The following NCKAP5 variants were observed in gnomAD, a reference collection of about 807,000 sequenced individuals.
NCKAP5 encodes the protein NCK associated protein 5, also known as nck-associated protein 5.
NCKAP5 carries 92 observed loss-of-function variants against 167.0 expected under a neutral mutation model. The observed-to-expected ratio is 0.55, with a 90% CI of 0.47 to 0.66. The LOEUF is 0.66. NCKAP5 is among the 30% of genes least tolerant of loss of function. The pLI, the probability that NCKAP5 is intolerant of heterozygous loss-of-function variation, is 0.00. For missense variants in NCKAP5, 2,378 were observed against 2,315.0 expected (o/e 1.03, Z -0.56); for synonymous variants, 891 against 877.4 (o/e 1.02, Z -0.27).
intron 3 of NCKAP5, among the ~76,000 whole-genome samples, chr2:133,386,020 T>G (rs915711787): frequency 6.6e-6 from 1 of 152,230 alleles, no homozygotes; most frequent in African/African-American, 2.4e-5. Context: ...TTGATTTTTT[T>G]GAAGGGTTCT....
At chr2:133,441,590 A>G (rs1216214873) in intron 3 of NCKAP5, among the ~76,000 whole-genome samples, 1 of 152,246 alleles carries the variant, frequency 6.6e-6, no homozygotes, top group Non-Finnish European at 1.5e-5. Flanking sequence ...TTTCAAAATC[A>G]TTTAGAGATT....
At chr2:132,970,746 A>G (rs1394111606) in intron 7 of NCKAP5, among the ~76,000 whole-genome samples, 2 of 152,192 alleles carry the variant, frequency 1.3e-5, no homozygotes, top group South Asian at 2.1e-4. Context: ...AGCAGTCAAC[A>G]TCATCAGGCC....
chr2:133,259,852 T>C (rs2088816068), intron 4 of NCKAP5, among the ~76,000 whole-genome samples: 1 of 152,240 alleles, frequency 6.6e-6, no homozygotes, highest in East Asian at 1.9e-4. Flanking sequence ...CCAAATTTCC[T>C]TCCTTTCTAC....
intron 16 of NCKAP5, among the ~76,000 whole-genome samples, 198 bp downstream of exon 16, chr2:132,773,618 T>G (rs1031984977): frequency 6.6e-6 from 1 of 152,198 alleles, no homozygotes; most frequent in Non-Finnish European, 1.5e-5. Flanking sequence ...GAAATACCTG[T>G]TTTCCTCATA....
Position 133,528,029 on chromosome 2 carries a change from C to T in NCKAP5, c.-61-10442G>A, listed in dbSNP as rs745309736. Among the ~76,000 whole-genome samples the T allele has an allele frequency of 7.2e-5, 11 of 152,226 alleles. No homozygotes were observed. The Middle Eastern group carries it at 0.01, about 142-fold the overall frequency. ...ACAATGAGTTGTAATAATGCCAGTG[C>T]ACTCCAGCCTGGGTGACAGTAAGTC... On this transcript the variant is annotated intron_variant, in intron 2 of 19. Coordinates refer to ENST00000409261, the MANE Select transcript of NCKAP5 (RefSeq NM_207363.3).
At chr2:133,519,700 C>A (rs1356882082) in intron 2 of NCKAP5, among the ~76,000 whole-genome samples, 1 of 152,138 alleles carries the variant, frequency 6.6e-6, no homozygotes, top group African/African-American at 2.4e-5. Flanking sequence ...GTACAGAAGA[C>A]AGTAGGAATA....
intron 8 of NCKAP5, among the ~76,000 whole-genome samples, chr2:132,961,429 T>C (rs552172702): frequency 2.0e-5 from 3 of 152,154 alleles, no homozygotes; most frequent in African/African-American, 4.8e-5. Context: ...TAGAAGATAG[T>C]AAGATGTGAA....
chr2:132,784,826 G>C lies in NCKAP5; in HGVS notation c.1985C>G (p.Ser662Cys), dbSNP rs1683404440. 4 of 1,583,432 alleles carry C rather than the reference G, an allele frequency of 2.5e-6. No homozygotes were observed. The highest frequency in any genetic ancestry group is 1.8e-5 in the Admixed American group (1 of 56,430). Residue 662 changes from serine to cysteine, a missense_variant, in exon 14 of 20, where the codon TCT (serine) becomes TGT (cysteine). Ser to Cys is a moderately radical substitution (Grantham distance 112). Around this residue, in one of 3 missense-constraint regions of NCKAP5, gnomAD observed 1,049 missense variants for 1,023.4 expected, o/e 1.02. Transcript: ENST00000409261. ...TATCACAGTCACACATTCTTCTGAA[G>C]AAGTCCTTTTTACAACTCTTTGCTG... ...IKQQRVVKRT[S>C]SEECVTVIFD...
At chr2:133,327,217 T>C (rs1161618323) in intron 3 of NCKAP5, among the ~76,000 whole-genome samples, 1 of 152,202 alleles carries the variant, frequency 6.6e-6, no homozygotes, top group Admixed American at 6.5e-5. Flanking sequence ...TGCCTGCTCT[T>C]CTCCTGCCTG....
At chr2:132,714,978 T>A in intron 19 of NCKAP5, 1 of 431,812 alleles carries the variant, frequency 2.3e-6, no homozygotes. Context: ...ATTCGCTGAG[T>A]AATACTTGAC....
chr2:132,843,469 T>G (rs1261624878), intron 11 of NCKAP5, among the ~76,000 whole-genome samples: 2 of 152,108 alleles, frequency 1.3e-5, no homozygotes, highest in Non-Finnish European at 2.9e-5. Context: ...GTTTAAGGCT[T>G]CTAAACTTAA....
chr2:132,757,266 C>T (rs962756632), intron 16 of NCKAP5, among the ~76,000 whole-genome samples: 2 of 152,172 alleles, frequency 1.3e-5, no homozygotes, highest in Non-Finnish European at 2.9e-5. Context: ...TATCGATGGG[C>T]TGATGAAAGA....
chr2:133,334,551 G>T (rs371890510), intron 3 of NCKAP5, among the ~76,000 whole-genome samples: 8 of 152,118 alleles, frequency 5.3e-5, no homozygotes, highest in Non-Finnish European at 8.8e-5. Context: ...TCAAGACCAC[G>T]ACTGTCCAGC....
the NCKAP5 span, among the ~76,000 whole-genome samples, chr2:133,612,860 C>T: frequency 3.2e-4 from 49 of 152,264 alleles, no homozygotes; most frequent in African/African-American, 9.1e-4. Flanking sequence ...TGCTCTTAAG[C>T]GCGGTTTGCT....
At chr2:132,981,581 C>T (rs578213443) in intron 7 of NCKAP5, among the ~76,000 whole-genome samples, 84 of 152,180 alleles carry the variant, frequency 5.5e-4, no homozygotes, top group Non-Finnish European at 1.1e-3. Context: ...ACCCAGGGAA[C>T]CATTAGGAAT....
At chr2:132,934,590 A>G (rs1292308929) in intron 8 of NCKAP5, among the ~76,000 whole-genome samples, 1 of 152,216 alleles carries the variant, frequency 6.6e-6, no homozygotes, top group African/African-American at 2.4e-5. Flanking sequence ...AAAATTTTGT[A>G]AAAAAGTAAA....
intron 6 of NCKAP5, among the ~76,000 whole-genome samples, chr2:133,107,855 A>C (rs1393963475): frequency 6.6e-6 from 1 of 152,216 alleles, no homozygotes; most frequent in Admixed American, 6.5e-5. Flanking sequence ...GTAGGAAATA[A>C]CCTTTAAACA....
chr2:132,733,711 T>C (rs1317656930), intron 16 of NCKAP5, among the ~76,000 whole-genome samples: 1 of 152,208 alleles, frequency 6.6e-6, no homozygotes, highest in Non-Finnish European at 1.5e-5. Flanking sequence ...GCAATTACTA[T>C]CCAAACTTCA....
intron 5 of NCKAP5, among the ~76,000 whole-genome samples, chr2:133,141,831 A>T (rs2083010653): frequency 6.6e-6 from 1 of 152,196 alleles, no homozygotes; most frequent in Non-Finnish European, 1.5e-5. Flanking sequence ...GAGAAACCTA[A>T]AAATTTTAAA....
Sources: gnomAD v4.1 joint callset for allele counts (sites outside exome capture counted in the v4.1 genomes callset) on GRCh38, gnomAD v4.1.1 for gene constraint, gnomAD v4.1.1 regional missense constraint, MANE v1.5 for transcripts, NCBI Gene and HGNC (gene_info 2026-07-23, HGNC 2026-07-21) for gene names.